Variants in SEC31A observed in about 807,000 individuals in gnomAD.
SEC31A encodes the protein SEC31 homolog A, COPII component, also known as protein transport protein Sec31A.
In SEC31A, 70 loss-of-function variants were observed where a neutral mutation model predicts 151.0. That is an observed-to-expected ratio of 0.46 (90% confidence interval 0.38 to 0.57). SEC31A has a LOEUF of 0.57. SEC31A is among the 20% of genes least tolerant of loss of function. SEC31A has a pLI of 0.00. For missense variants in SEC31A, 1,330 were observed against 1,471.2 expected (o/e 0.90, Z 1.57); for synonymous variants, 475 against 505.9 (o/e 0.94, Z 0.82).
rs746919693 is a variant in SEC31A, at chr4:82,842,302, T to C, written c.2806A>G (p.Thr936Ala). ...YAAQHQASSP[T>A]SSPATSFPPP... ...GGGAAAGAAGTAGCAGGGCTGGAGG[T>C]AGGTGAAGAGGCCTGGTGCTGTGCT... The change falls in exon 22 of 27, where the codon ACC becomes GCC. Residue 936 changes from threonine (T) to alanine (A), a missense_variant. Transcript: ENST00000395310. 6 of 1,613,176 alleles carry C rather than the reference T, an allele frequency of 3.7e-6. No individual in the cohort carries two copies. Among genetic ancestry groups the C allele is most frequent in the Middle Eastern group, 1.6e-4 (1 of 6,062 alleles).
At position 82,848,935 on chromosome 4, in the gene SEC31A, C is replaced by T. The variant is rs1560613061; in HGVS notation, c.2371G>A (p.Gly791Arg). The T allele has an allele frequency of 6.2e-7, 1 of 1,614,030 alleles. No individual in the cohort carries two copies. Among genetic ancestry groups the T allele is most frequent in the Non-Finnish European group, 8.5e-7 (1 of 1,179,980 alleles). ...GATTCATGTCCTGCTACAGGCTCTC[C>T]TTGTGCTCTACAAAGTCTGTCACGA... is the stretch of plus-strand genomic sequence containing the variant. Reference protein sequence around the residue: ...QLRDRLCRAQGEPVAGHESPK... With the variant: ...QLRDRLCRAQREPVAGHESPK... Residue 791 changes from glycine (G) to arginine (R), a missense_variant, in exon 20 of 27, where the codon GGA becomes AGA. Physicochemically the swap from Gly to Arg is moderately radical, Grantham distance 125 (BLOSUM62 -2). Transcript: ENST00000395310.
intron 4 of SEC31A, among the ~76,000 whole-genome samples, chr4:82,878,529 C>T (rs984772062): frequency 2.0e-5 from 3 of 152,036 alleles, no homozygotes; most frequent in Non-Finnish European, 4.4e-5. Context: ...AAAAACCTAT[C>T]AGCCGGATCC....
In SEC31A at chr4:82,842,386, G is replaced by A. The variant is rs1397869919; in HGVS notation, c.2722C>T (p.Pro908Ser). 7 of 1,613,978 alleles carry A rather than the reference G, an allele frequency of 4.3e-6. No individual in the cohort carries two copies. The highest frequency in any genetic ancestry group is 5.9e-6 in the Non-Finnish European group (7 of 1,179,984). ...GCAGAAGATATGTAAGGGGTGTTAG[G>A]GTAAGCGTTTGAAGTAGGAGGAGCA... The part of the protein sequence containing the change: ...PVAPPTSNAY[P>S]NTPYISSASS... Residue 908 changes from proline (P) to serine (S), a missense_variant, in exon 22 of 27, where the codon CCT (proline) becomes TCT (serine). Coordinates refer to ENST00000395310, the MANE Select transcript of SEC31A (RefSeq NM_001077207.4).
At chr4:82,829,296 G>A (rs1214520223) in intron 22 of SEC31A, 1 of 395,872 alleles carries the variant, frequency 2.5e-6, no homozygotes, top group Non-Finnish European at 4.6e-6. Context: ...TCCATTTAAA[G>A]TAAAAGAGTG....
chr4:82,859,648 T>C (rs1733614816), intron 14 of SEC31A, among the ~76,000 whole-genome samples: 1 of 152,150 alleles, frequency 6.6e-6, no homozygotes, highest in Non-Finnish European at 1.5e-5. Context: ...AGAATATCTA[T>C]AACCCTAATT....
intron 19 of SEC31A, among the ~76,000 whole-genome samples, chr4:82,850,674 A>G (rs1338862767): frequency 2.0e-5 from 3 of 152,158 alleles, no homozygotes; most frequent in Non-Finnish European, 4.4e-5. Flanking sequence ...CCTCACCCGT[A>G]CTTTTACCCA....
chr4:82,892,391 T>C (rs1331167921), upstream of SEC31A, among the ~76,000 whole-genome samples: 4 of 152,256 alleles, frequency 2.6e-5, no homozygotes. Flanking sequence ...TTTTTACATT[T>C]ATCAGACTTT....
At chr4:82,824,866 G>A (rs7655693) in intron 24 of SEC31A, among the ~76,000 whole-genome samples, 192 bp from the exon 25 acceptor site, 68,854 of 152,030 alleles carry the variant, frequency 0.45, 18,159 homozygotes, top group Admixed American at 0.59. Context: ...CAAAGTGTAG[G>A]CGCTCTTCCT....
chr4:82,846,593 GA>G (rs1475998576), intron 20 of SEC31A, among the ~76,000 whole-genome samples: 1 of 152,000 alleles, frequency 6.6e-6, no homozygotes, highest in Middle Eastern at 3.4e-3. Context: ...TCAATGTGAT[GA>G]CAAGAAGGAA....
chr4:82,819,185 T>C lies in SEC31A; in HGVS notation c.3552A>G (p.Glu1184=). Residue 1184 remains glutamate, a synonymous_variant, in exon 27 of 27, where the codon GAA becomes GAG. Transcript: ENST00000395310. The part of the protein sequence containing the change: ...ARSIETRNYS[E]GLTMHTHIVS... ...CTATGTGGGTATGCATGGTCAATCC[T>C]TCTGAGTAGTTTCGAGTTTCAATGC... The C allele has an allele frequency of 6.2e-7, 1 of 1,612,428 alleles. No homozygotes were observed. Among genetic ancestry groups the C allele is most frequent in the African/African-American group, 1.3e-5 (1 of 75,028 alleles).
chr4:82,856,196 G>A (rs934422608), intron 16 of SEC31A, among the ~76,000 whole-genome samples: 2 of 152,020 alleles, frequency 1.3e-5, no homozygotes, highest in African/African-American at 2.4e-5. Flanking sequence ...TGTTGCCCGG[G>A]CTGGAGTGCA....
intron 3 of SEC31A, 23 bp downstream of exon 3, chr4:82,880,776 G>A (rs565518887): frequency 6.3e-7 from 1 of 1,579,102 alleles, no homozygotes; most frequent in South Asian, 1.2e-5. Context: ...ATAATCACAT[G>A]AATTTAAAGC....
chr4:82,868,862 T>G (rs906029999), intron 8 of SEC31A, among the ~76,000 whole-genome samples: 38 of 151,944 alleles, frequency 2.5e-4, no homozygotes, highest in African/African-American at 8.2e-4. Flanking sequence ...ACCCAGCTAA[T>G]TTTTGTATTT....
chr4:82,883,773 G>A (rs1481770244), intron 1 of SEC31A, among the ~76,000 whole-genome samples: 2 of 151,520 alleles, frequency 1.3e-5, no homozygotes, highest in East Asian at 3.9e-4. Flanking sequence ...AGGCTGCAGT[G>A]AGCCGTGATT....
intron 1 of SEC31A, among the ~76,000 whole-genome samples, chr4:82,887,931 A>G (rs1741127237): frequency 6.6e-6 from 1 of 151,958 alleles, no homozygotes. Context: ...CTGTAGTCCC[A>G]GCTACTCGGG....
At chr4:82,847,886 T>C (rs1265175721) in intron 20 of SEC31A, among the ~76,000 whole-genome samples, 1 of 152,184 alleles carries the variant, frequency 6.6e-6, no homozygotes, top group Admixed American at 6.5e-5. Context: ...ACAGTTACAT[T>C]CAAATGTAAT....
At chr4:82,866,355 C>T (rs1186435280) in intron 10 of SEC31A, among the ~76,000 whole-genome samples, 3 of 152,110 alleles carry the variant, frequency 2.0e-5, no homozygotes, top group Admixed American at 6.6e-5. Context: ...CTTGTAATCC[C>T]AGCTACCCAG....
chr4:82,896,313 G>A (rs985643497), intron 3 of SEC31A, among the ~76,000 whole-genome samples: 2 of 152,182 alleles, frequency 1.3e-5, no homozygotes, highest in Non-Finnish European at 2.9e-5. Context: ...CACCTCCTGG[G>A]TTCAAGTGGT....
chr4:82,844,475 T>C lies in SEC31A; in HGVS notation c.2537A>G (p.His846Arg). ...AGCAGCATTTGGATTAACATTTCCA[T>C]GCATTATGAAACCCGGAGGTGGAGG... ...ENPPPPGFIM[H>R]GNVNPNAAGQ... Residue 846 changes from histidine to arginine, a missense_variant, in exon 21 of 27, where the codon CAT becomes CGT. By Grantham distance (29) the His-to-Arg change is conservative. Coordinates refer to ENST00000395310, the MANE Select transcript of SEC31A (RefSeq NM_001077207.4). 1 of 1,613,858 alleles carries C rather than the reference T, an allele frequency of 6.2e-7. No individual in the cohort carries two copies. Among genetic ancestry groups the C allele is most frequent in the East Asian group, 2.2e-5 (1 of 44,882 alleles).
Sources: gnomAD v4.1 joint callset for allele counts (sites outside exome capture counted in the v4.1 genomes callset) on GRCh38, gnomAD v4.1.1 for gene constraint, MANE v1.5 for transcripts, NCBI Gene and HGNC (gene_info 2026-07-23, HGNC 2026-07-21) for gene names.